The following PXDNL variants were observed in gnomAD, a reference collection of about 807,000 sequenced individuals.
PXDNL encodes the protein peroxidasin like.
PXDNL carries 145 observed loss-of-function variants against 150.8 expected under a neutral mutation model. The ratio of observed to expected loss-of-function variants is 0.96; its 90% CI spans 0.84 to 1.10. The LOEUF (loss-of-function observed/expected upper bound fraction) is 1.10, where lower values mean the gene tolerates loss of function less well. PXDNL is among the 50% of genes least tolerant of loss of function. The pLI, the probability that PXDNL is intolerant of heterozygous loss-of-function variation, is 0.00. For missense variants in PXDNL, 2,087 were observed against 1,873.9 expected, an observed-to-expected ratio of 1.11 and a Z score of -2.10; for synonymous variants, 757 against 725.7, an observed-to-expected ratio of 1.04 and a Z score of -0.69.
chr8:51,486,321 A>T (rs983523263), intron 5 of PXDNL, among the ~76,000 whole-genome samples: 1 of 152,192 alleles, frequency 6.6e-6, no homozygotes, highest in Non-Finnish European at 1.5e-5. Flanking sequence ...AATGGTGACA[A>T]AATATCCAAA....
intron 1 of PXDNL, among the ~76,000 whole-genome samples, chr8:51,655,078 T>C (rs1052737498): frequency 2.0e-5 from 3 of 152,198 alleles, no homozygotes; most frequent in African/African-American, 4.8e-5. Flanking sequence ...GTAAAACAAA[T>C]TCTATACATG....
intron 1 of PXDNL, among the ~76,000 whole-genome samples, chr8:51,668,067 C>T (rs1815422786): frequency 6.6e-6 from 1 of 152,082 alleles, no homozygotes; most frequent in Non-Finnish European, 1.5e-5. Context: ...GAATTTACCA[C>T]CAATGTAGCC....
At chr8:51,445,235 T>A (rs926396803) in intron 12 of PXDNL, among the ~76,000 whole-genome samples, 1 of 152,158 alleles carries the variant, frequency 6.6e-6, no homozygotes, top group South Asian at 2.1e-4. Context: ...GGTTAATGAA[T>A]ATTCTGAATA....
Position 51,616,651 on chromosome 8 carries a change from C to T in PXDNL, c.237-23953G>A, listed in dbSNP as rs146092051. Among the ~76,000 whole-genome samples the T allele has an allele frequency of 2.4e-3, 372 of 152,284 alleles. 1 individual carries two copies. Among genetic ancestry groups the T allele is most frequent in the African/African-American group, 8.7e-3 (363 of 41,550 alleles). On this transcript the variant is annotated intron_variant, in intron 2 of 22. Coordinates refer to ENST00000356297, the MANE Select transcript of PXDNL (RefSeq NM_144651.5). Reference sequence around the variant, plus strand: ...CTACATGTGTATACTTTCAGTACTCCTGTATACTTTAAATCATCTCTAGAT... The same window carrying T: ...CTACATGTGTATACTTTCAGTACTCTTGTATACTTTAAATCATCTCTAGAT...
intron 4 of PXDNL, among the ~76,000 whole-genome samples, chr8:51,533,477 ACCTCTC>A (rs2130441658): frequency 7.9e-6 from 1 of 126,780 alleles, no homozygotes; most frequent in South Asian, 2.6e-4. Flanking sequence ...GTTTGAGAAG[ACCTCTC>A]CCTCCCCCTC....
chr8:51,730,972 T>C (rs1369675169), intron 1 of PXDNL, among the ~76,000 whole-genome samples: 1 of 152,160 alleles, frequency 6.6e-6, no homozygotes, highest in Non-Finnish European at 1.5e-5. Flanking sequence ...AGAGCTACAA[T>C]TCAAGATGAG....
chr8:51,410,794 A>AAAC (rs768259900), intron 16 of PXDNL, among the ~76,000 whole-genome samples: 2 of 152,182 alleles, frequency 1.3e-5, no homozygotes, highest in African/African-American at 4.8e-5. Context: ...CCAAAAAACA[A>AAAC]AACAACAACA....
chr8:51,354,334 A>C (rs2130729684), intron 19 of PXDNL, among the ~76,000 whole-genome samples: 1 of 152,244 alleles, frequency 6.6e-6, no homozygotes, highest in African/African-American at 2.4e-5. Context: ...TATGGCACAA[A>C]CAAATGGACA....
At chr8:51,460,170 G>A (rs1288075506) in intron 8 of PXDNL, among the ~76,000 whole-genome samples, 1 of 150,892 alleles carries the variant, frequency 6.6e-6, no homozygotes, top group African/African-American at 2.4e-5. Context: ...GATTGCTTGA[G>A]CTCAGAAGTT....
Position 51,409,279 on chromosome 8 carries a change from A to C in PXDNL, c.2345T>G (p.Leu782Arg), listed in dbSNP as rs1808551152. ...GSRQPLPPPR[L>R]VATVWARAAA... Reference sequence around the variant, plus strand: ...CGCGCGCGCCCACACTGTGGCGACCAGCCGGGGCGGCGGGAGGGGCTGGCG... The same window carrying C: ...CGCGCGCGCCCACACTGTGGCGACCCGCCGGGGCGGCGGGAGGGGCTGGCG... Residue 782 changes from leucine (L) to arginine (R), a missense_variant, in exon 17 of 23, where the codon CTG (leucine) becomes CGG (arginine). By Grantham distance (102) the Leu-to-Arg change is moderately radical. Transcript: ENST00000356297. 1.4e-6 allele frequency: 2 copies of C among 1,429,854 alleles called. No individual in the cohort carries two copies. The highest frequency in any genetic ancestry group is 3.0e-5 in the African/African-American group (2 of 66,722). The allele number at this position is 1,429,854 out of a possible 1,614,324, so 88.6% of individuals were successfully genotyped here. A position where few individuals can be genotyped will look rare whatever the true frequency, so the allele number is the denominator to read the frequency against.
chr8:51,413,953 T>C (rs1291606153), intron 14 of PXDNL, among the ~76,000 whole-genome samples: 9 of 152,126 alleles, frequency 5.9e-5, no homozygotes, highest in African/African-American at 2.2e-4. Context: ...ATTTTTGAGA[T>C]ACTAAAAGTA....
At chr8:51,485,820 A>G (rs560158460) in intron 5 of PXDNL, among the ~76,000 whole-genome samples, 5 of 152,328 alleles carry the variant, frequency 3.3e-5, no homozygotes, top group African/African-American at 9.6e-5. Flanking sequence ...AGTATTGTTG[A>G]ATAACCTTTT....
chr8:51,504,647 C>G (rs920166815), intron 4 of PXDNL, among the ~76,000 whole-genome samples: 2 of 152,140 alleles, frequency 1.3e-5, no homozygotes, highest in Non-Finnish European at 1.5e-5. Context: ...TCTGCCCTAA[C>G]GAAACTCTAA....
chr8:51,705,491 A>G (rs1816357759), intron 1 of PXDNL, among the ~76,000 whole-genome samples: 1 of 152,248 alleles, frequency 6.6e-6, no homozygotes, highest in Non-Finnish European at 1.5e-5. Context: ...GGTCATCTAA[A>G]CAGTACTTGT....
chr8:51,441,311 T>C (rs1218213666), intron 12 of PXDNL, among the ~76,000 whole-genome samples: 1 of 152,218 alleles, frequency 6.6e-6, no homozygotes, highest in Admixed American at 6.5e-5. Flanking sequence ...CAGGTATTTC[T>C]TCATGGTAGC....
intron 1 of PXDNL, among the ~76,000 whole-genome samples, chr8:51,691,070 C>A (rs1486068175): frequency 6.6e-5 from 10 of 152,230 alleles, no homozygotes; most frequent in Admixed American, 5.9e-4. Context: ...TGGATATTAG[C>A]CCTTTGTCAG....
chr8:51,780,427 C>T (rs192737160), intron 1 of PXDNL, among the ~76,000 whole-genome samples: 298 of 152,108 alleles, frequency 2.0e-3, no homozygotes, highest in African/African-American at 6.8e-3. Flanking sequence ...TTCCAAGAAC[C>T]CCAGGTCAAG....
At chr8:51,642,473 C>A (rs536806582) in intron 2 of PXDNL, among the ~76,000 whole-genome samples, 1 of 152,198 alleles carries the variant, frequency 6.6e-6, no homozygotes, top group Non-Finnish European at 1.5e-5. Context: ...CAGATAAGGC[C>A]TTTGACAAAA....
chr8:51,806,655 T>C (rs2129266775), intron 1 of PXDNL, among the ~76,000 whole-genome samples: 1 of 152,336 alleles, frequency 6.6e-6, no homozygotes, highest in Non-Finnish European at 1.5e-5. Context: ...CAAATATGCA[T>C]GGTTGGGCTT....
Sources: gnomAD v4.1 joint callset for allele counts (sites outside exome capture counted in the v4.1 genomes callset) on GRCh38, gnomAD v4.1.1 for gene constraint, MANE v1.5 for transcripts, NCBI Gene and HGNC (gene_info 2026-07-23, HGNC 2026-07-21) for gene names.